PRDM5: variants seen among roughly 807,000 people sequenced by gnomAD.
PRDM5 encodes PR domain zinc finger protein 5.
A neutral mutation model predicts 81.2 loss-of-function variants in PRDM5; 56 were observed. The observed-to-expected ratio is 0.69, with a 90% CI of 0.56 to 0.86. The LOEUF (loss-of-function observed/expected upper bound fraction) is 0.86. PRDM5 is among the 40% of genes least tolerant of loss of function. The probability of loss-of-function intolerance (pLI) is 0.00; values close to 1 mark genes in which losing one functional copy is unlikely to be tolerated. For missense variants in PRDM5, 697 were observed against 770.1 expected (o/e 0.91, Z 1.12); for synonymous variants, 267 against 256.4 (o/e 1.04, Z -0.39).
intron 14 of PRDM5, among the ~76,000 whole-genome samples, chr4:120,721,928 T>C (rs905087915): frequency 1.3e-5 from 2 of 152,152 alleles, no homozygotes; most frequent in Non-Finnish European, 2.9e-5. Context: ...TGGCTTGACA[T>C]GGTGGGCACG....
intron 2 of PRDM5, among the ~76,000 whole-genome samples, chr4:120,905,558 T>A (rs1240374570): frequency 1.3e-5 from 2 of 152,190 alleles, no homozygotes; most frequent in African/African-American, 4.8e-5. Context: ...GAGCAAAAAC[T>A]AAGGTATCCT....
At chr4:120,901,336 T>C (rs374167856) in intron 2 of PRDM5, among the ~76,000 whole-genome samples, 17 of 152,344 alleles carry the variant, frequency 1.1e-4, no homozygotes, top group African/African-American at 3.6e-4. Context: ...TTTGATCCTC[T>C]GGATTTTGTA....
chr4:120,905,776 C>A (rs1765731133), intron 2 of PRDM5, among the ~76,000 whole-genome samples: 1 of 152,094 alleles, frequency 6.6e-6, no homozygotes, highest in South Asian at 2.1e-4. Context: ...GTGGAAAACT[C>A]CAGTTTTCCA....
At chr4:120,755,261 C>T (rs977616857) in intron 13 of PRDM5, among the ~76,000 whole-genome samples, 1 of 152,262 alleles carries the variant, frequency 6.6e-6, no homozygotes, top group Non-Finnish European at 1.5e-5. Context: ...CACACATATA[C>T]ACAGCACATT....
chr4:120,696,855 CAAAT>C (rs1406330468), intron 15 of PRDM5, among the ~76,000 whole-genome samples: 2 of 152,094 alleles, frequency 1.3e-5, no homozygotes, highest in Non-Finnish European at 1.5e-5. Context: ...ACTTTGCAAA[CAAAT>C]AATTTCCCAA....
At chr4:120,791,384 T>C (rs1418581933) in intron 10 of PRDM5, among the ~76,000 whole-genome samples, 3 of 152,198 alleles carry the variant, frequency 2.0e-5, no homozygotes. Context: ...TAGTACTAGT[T>C]ACTTTTAAAT....
intron 14 of PRDM5, among the ~76,000 whole-genome samples, chr4:120,730,906 T>C (rs1740151459): frequency 6.6e-6 from 1 of 152,128 alleles, no homozygotes; most frequent in Non-Finnish European, 1.5e-5. Flanking sequence ...ACTGTATTAT[T>C]GTTACAAATG....
At chr4:120,689,181 T>C (rs1200750741), downstream of PRDM5, among the ~76,000 whole-genome samples, 2 of 152,174 alleles carry the variant, frequency 1.3e-5, no homozygotes, top group African/African-American at 4.8e-5. Context: ...ACCAGCTAAA[T>C]TTGTAGACCC....
intron 2 of PRDM5, among the ~76,000 whole-genome samples, chr4:120,905,085 A>G (rs1231499013): frequency 2.6e-5 from 4 of 152,226 alleles, no homozygotes; most frequent in Non-Finnish European, 4.4e-5. Context: ...GAAAGCCATT[A>G]AAATGTTTAA....
At chr4:120,720,777 T>A (rs142392862) in intron 14 of PRDM5, among the ~76,000 whole-genome samples, 1,814 of 152,340 alleles carry the variant, frequency 0.012, 17 homozygotes, top group Middle Eastern at 0.017. Flanking sequence ...AAACAATGCA[T>A]CTAAAAATTA....
At position 120,757,402 on chromosome 4, in the gene PRDM5, T is replaced by C. The variant is rs1200022153; in HGVS notation, c.1538-2764A>G. Reference sequence around the variant, plus strand: ...ACCTATCCTATGAGTACAGTGACGATGTATCCAGATTCGTCTAAAGTAGTC... The same window carrying C: ...ACCTATCCTATGAGTACAGTGACGACGTATCCAGATTCGTCTAAAGTAGTC... On this transcript the variant is annotated intron_variant, in intron 13 of 15. Coordinates refer to ENST00000264808, the MANE Select transcript of PRDM5 (RefSeq NM_018699.4). Among the ~76,000 whole-genome samples, 4 of 152,260 alleles carry C rather than the reference T, an allele frequency of 2.6e-5. No homozygotes were observed. The South Asian group carries it at 6.2e-4, about 24-fold the overall frequency.
chr4:120,780,310 G>A (rs539543870), intron 12 of PRDM5, among the ~76,000 whole-genome samples: 1 of 151,966 alleles, frequency 6.6e-6, no homozygotes, highest in African/African-American at 2.4e-5. Context: ...TCTGGGCATG[G>A]TGAGACATGA....
chr4:120,848,975 T>C (rs1215708407), intron 3 of PRDM5, among the ~76,000 whole-genome samples: 3 of 152,188 alleles, frequency 2.0e-5, no homozygotes, highest in African/African-American at 4.8e-5. Context: ...TATCATTTTG[T>C]GACAGATTCT....
intron 3 of PRDM5, among the ~76,000 whole-genome samples, chr4:120,845,490 A>T (rs1758553409): frequency 6.6e-6 from 1 of 152,240 alleles, no homozygotes; most frequent in Non-Finnish European, 1.5e-5. Context: ...CCAAGCCTGG[A>T]TGATGGCACT....
At chr4:120,753,512 G>A (rs959943357) in intron 14 of PRDM5, among the ~76,000 whole-genome samples, 5 of 151,950 alleles carry the variant, frequency 3.3e-5, no homozygotes, top group African/African-American at 1.2e-4. Context: ...TTTTCTTAAG[G>A]GGACCACAGA....
At chr4:120,706,094 T>G (rs1050753481) in intron 15 of PRDM5, among the ~76,000 whole-genome samples, 2 of 151,958 alleles carry the variant, frequency 1.3e-5, no homozygotes, top group South Asian at 4.1e-4. Context: ...TCTTTTTTTT[T>G]TTTTTTTTCT....
At position 120,695,007 on chromosome 4, in the gene PRDM5, C is replaced by G; in HGVS notation, c.*104G>C. The G allele has an allele frequency of 7.6e-7, 1 of 1,321,244 alleles. No homozygotes were observed. Among genetic ancestry groups the G allele is most frequent in the Admixed American group, 1.7e-5 (1 of 59,144 alleles). 81.8% of individuals were successfully genotyped at this position (1,321,244 alleles called of 1,614,324 possible). A position where few individuals can be genotyped will look rare whatever the true frequency, so the allele number is the denominator to read the frequency against. ...TGTAGGCAAATAAGAACTATGAGAC[C>G]AGTAAGTCACTTTTGGCTACTTCTG... On this transcript the variant is annotated 3_prime_UTR_variant, in exon 16 of 16. Coordinates refer to ENST00000264808, the MANE Select transcript of PRDM5 (RefSeq NM_018699.4).
At chr4:120,865,371 C>A (rs1370262363) in intron 2 of PRDM5, among the ~76,000 whole-genome samples, 1 of 152,170 alleles carries the variant, frequency 6.6e-6, no homozygotes, top group Non-Finnish European at 1.5e-5. Flanking sequence ...ATTATTCAGT[C>A]CTTGCCATTG....
intron 15 of PRDM5, among the ~76,000 whole-genome samples, chr4:120,697,111 AAAGAT>A (rs1734613255): frequency 6.6e-6 from 1 of 152,198 alleles, no homozygotes; most frequent in South Asian, 2.1e-4. Flanking sequence ...ACCCTTATTA[AAAGAT>A]AAGACTCAAT....
Sources: gnomAD v4.1 joint callset for allele counts (sites outside exome capture counted in the v4.1 genomes callset) on GRCh38, gnomAD v4.1.1 for gene constraint, MANE v1.5 for transcripts, NCBI Gene and HGNC (gene_info 2026-07-23, HGNC 2026-07-21) for gene names.